FHIT: variants seen among roughly 807,000 people sequenced by gnomAD.
The protein encoded by FHIT is fragile histidine triad diadenosine triphosphatase.
Under a neutral mutation model 17.9 loss-of-function variants are expected in FHIT, and 19 were observed. The observed-to-expected ratio is 1.06, with a 90% CI of 0.74 to 1.56. The LOEUF is 1.56. Ranked by LOEUF, FHIT falls within the 40% of genes most tolerant of loss-of-function variation. The pLI is 0.00. For missense variants in FHIT, 248 were observed against 189.2 expected, an observed-to-expected ratio of 1.31 and a Z score of -1.82; for synonymous variants, 81 against 69.7, an observed-to-expected ratio of 1.16 and a Z score of -0.81.
At chr3:60,323,196 G>A (rs1709511756) in intron 5 of FHIT, among the ~76,000 whole-genome samples, 1 of 151,994 alleles carries the variant, frequency 6.6e-6, no homozygotes, top group East Asian at 1.9e-4. Context: ...AGGGGACGCA[G>A]GGCTCCCAGG....
At chr3:60,099,178 T>C (rs942651421) in intron 5 of FHIT, among the ~76,000 whole-genome samples, 1 of 152,180 alleles carries the variant, frequency 6.6e-6, no homozygotes, top group Non-Finnish European at 1.5e-5. Context: ...TACTAGTCTT[T>C]GCTCATGCCA....
intron 3 of FHIT, among the ~76,000 whole-genome samples, chr3:60,917,828 C>G (rs1707084762): frequency 6.6e-6 from 1 of 152,146 alleles, no homozygotes; most frequent in South Asian, 2.1e-4. Flanking sequence ...TCTGTTCATT[C>G]TGTATATCCC....
intron 4 of FHIT, among the ~76,000 whole-genome samples, chr3:60,576,369 A>G (rs1007346718): frequency 1.3e-5 from 2 of 152,094 alleles, no homozygotes; most frequent in African/African-American, 4.8e-5. Context: ...AGTTTAATAA[A>G]CACCAAGGGT....
At position 60,627,657 on chromosome 3, in the gene FHIT, G is replaced by C. The variant is rs148302667; in HGVS notation, c.-17-90678C>G. Among the ~76,000 whole-genome samples the C allele has an allele frequency of 3.0e-3, 461 of 152,224 alleles. 2 individuals are homozygous for C. The highest frequency in any genetic ancestry group is 0.011 in the African/African-American group (444 of 41,530). ...TTCTGCCTCAGCTTCCCGAGTAGCT[G>C]GGACTACAGGCATGTGCCACCACAC... On this transcript the variant is annotated intron_variant, in intron 4 of 9. Transcript: ENST00000492590.
At chr3:61,027,075 G>A (rs1898750) in intron 3 of FHIT, among the ~76,000 whole-genome samples, 44,339 of 151,796 alleles carry the variant, frequency 0.29, 7,586 homozygotes, top group African/African-American at 0.48. Context: ...TATGAAGCTC[G>A]TCATGTCCTT....
chr3:60,036,321 C>A (rs1421173218), intron 5 of FHIT, among the ~76,000 whole-genome samples: 1 of 152,148 alleles, frequency 6.6e-6, no homozygotes, highest in East Asian at 1.9e-4. Context: ...GGAAACCGTT[C>A]ATATGGTTAA....
At chr3:59,860,771 G>A (rs1702370815) in intron 8 of FHIT, among the ~76,000 whole-genome samples, 1 of 152,128 alleles carries the variant, frequency 6.6e-6, no homozygotes, top group South Asian at 2.1e-4. Flanking sequence ...GTCAGATAAG[G>A]TGTGAGGAAA....
rs780731224 is a variant in FHIT at position 59,922,415 on chromosome 3, C to T, written c.280-1G>A. On this transcript the variant is annotated splice_acceptor_variant, in intron 7 of 9. Transcript: ENST00000492590. LOFTEE classifies it high-confidence loss of function. ...TGGGAAGAACATGGACGTGAACGTG[C>T]TGAAAATGTACAAGAAAGAAAAAAA... 5 of 1,612,400 alleles carry T rather than the reference C, an allele frequency of 3.1e-6. No individual in the cohort carries two copies. The highest frequency in any genetic ancestry group is 2.7e-5 in the African/African-American group (2 of 74,788).
At position 60,123,967 on chromosome 3, in the gene FHIT, AATATAT is replaced by A. The variant is rs1176212050; in HGVS notation, c.104-109821_104-109816del. Among the ~76,000 whole-genome samples, 255 of 27,698 alleles carry A rather than the reference AATATAT, an allele frequency of 9.2e-3. 3 individuals are homozygous for A. The highest frequency in any genetic ancestry group is 0.034 in the East Asian group (21 of 626). 18.2% of individuals were successfully genotyped at this position (27,698 alleles called of 152,430 possible). ...CTTCCATTAACAGAAATGCACTAAAAATATATATATATATATATATATATATATATA... is the reference window on the plus strand; with the variant it reads ...CTTCCATTAACAGAAATGCACTAAAAATATATATATATATATATATATATA... On this transcript the variant is annotated intron_variant, in intron 5 of 9. Coordinates refer to ENST00000492590, the MANE Select transcript of FHIT (RefSeq NM_002012.4).
intron 5 of FHIT, among the ~76,000 whole-genome samples, chr3:60,202,171 C>T (rs943773060): frequency 2.0e-5 from 3 of 152,180 alleles, no homozygotes; most frequent in Non-Finnish European, 2.9e-5. Context: ...GTCAAGACTT[C>T]GTCACTAATT....
At chr3:59,906,100 T>C (rs1267884217) in intron 8 of FHIT, among the ~76,000 whole-genome samples, 1 of 152,222 alleles carries the variant, frequency 6.6e-6, no homozygotes, top group African/African-American at 2.4e-5. Context: ...AAAAGACCCC[T>C]TCCTCCTTGT....
chr3:60,101,858 C>T lies in FHIT; in HGVS notation c.104-87706G>A, dbSNP rs180681419. Among the ~76,000 whole-genome samples, 5 of 152,350 alleles carry T rather than the reference C, an allele frequency of 3.3e-5. No homozygotes were observed. In the East Asian group the frequency reaches 9.6e-4, roughly 29 times the overall value. Reference sequence around the variant, plus strand: ...CAATTACGCAAGGCACACTGAGCCACTTCCTTCAGGAATAGGTCACTTTTT... The same window carrying T: ...CAATTACGCAAGGCACACTGAGCCATTTCCTTCAGGAATAGGTCACTTTTT... On this transcript the variant is annotated intron_variant, in intron 5 of 9. Coordinates refer to ENST00000492590, the MANE Select transcript of FHIT (RefSeq NM_002012.4).
chr3:60,619,599 GCAAAAA>G (rs2039057048), intron 4 of FHIT, among the ~76,000 whole-genome samples: 1 of 32,174 alleles, frequency 3.1e-5, no homozygotes, highest in African/African-American at 1.4e-4. Context: ...ATACCCACAT[GCAAAAA>G]AAAAAAAAAA....
chr3:61,159,139 A>G (rs1212217495), intron 2 of FHIT, among the ~76,000 whole-genome samples: 1 of 152,218 alleles, frequency 6.6e-6, no homozygotes, highest in Non-Finnish European at 1.5e-5. Context: ...TAAATAATTT[A>G]AAAATAATTT....
intron 5 of FHIT, among the ~76,000 whole-genome samples, chr3:60,297,051 G>A (rs1303954031): frequency 1.3e-5 from 2 of 151,878 alleles, no homozygotes; most frequent in Admixed American, 6.6e-5. Context: ...TTACAAGTAT[G>A]TAAGTCTTGA....
intron 5 of FHIT, among the ~76,000 whole-genome samples, chr3:60,256,171 G>A (rs28490895): frequency 0.01 from 1,563 of 152,064 alleles, 24 homozygotes; most frequent in African/African-American, 0.036. Flanking sequence ...ATTCCCCATC[G>A]TGCCTATTCC....
At chr3:60,637,868 A>G (rs913861561) in intron 4 of FHIT, among the ~76,000 whole-genome samples, 7 of 152,298 alleles carry the variant, frequency 4.6e-5, no homozygotes, top group African/African-American at 1.7e-4. Context: ...GGGATTCTTA[A>G]AGAAATGACT....
At chr3:61,135,172 C>T (rs764522711) in intron 2 of FHIT, among the ~76,000 whole-genome samples, 93 of 152,142 alleles carry the variant, frequency 6.1e-4, no homozygotes, top group Admixed American at 5.2e-4. Flanking sequence ...AATCATTCAG[C>T]CCAGGCTAGT....
chr3:60,752,972 A>G (rs2108035694), intron 4 of FHIT, among the ~76,000 whole-genome samples: 1 of 152,202 alleles, frequency 6.6e-6, no homozygotes, highest in East Asian at 1.9e-4. Flanking sequence ...GACAGCCCTA[A>G]GAGAAGCAAT....
Sources: allele counts gnomAD v4.1 joint callset (sites outside exome capture counted in the v4.1 genomes callset), GRCh38; gene constraint gnomAD v4.1.1; transcripts MANE v1.5; gene names NCBI Gene and HGNC (gene_info 2026-07-23, HGNC 2026-07-21).